NEBL: variants seen among roughly 807,000 people sequenced by gnomAD.
NEBL encodes the protein LIM and SH3 protein 2.
Under a neutral mutation model 140.2 loss-of-function variants are expected in NEBL, and 122 were observed. The observed-to-expected ratio is 0.87, with a 90% CI of 0.75 to 1.01. The LOEUF (loss-of-function observed/expected upper bound fraction) is 1.01. Among genes scored for constraint, NEBL ranks in the 50% least tolerant of loss-of-function variants. NEBL has a pLI of 0.00. For synonymous variants in NEBL, 436 were observed against 398.9 expected (o/e 1.09, Z -1.11); for missense variants, 1,365 against 1,231.3 (o/e 1.11, Z -1.62).
intron 3 of NEBL, among the ~76,000 whole-genome samples, chr10:21,182,636 G>T (rs920782119): frequency 1.3e-5 from 2 of 151,848 alleles, no homozygotes; most frequent in African/African-American, 4.8e-5. Flanking sequence ...CTAGAAAACT[G>T]CAAGTTCTGA....
intron 4 of NEBL, among the ~76,000 whole-genome samples, chr10:20,913,603 T>G (rs1283481746): frequency 2.0e-5 from 3 of 152,214 alleles, no homozygotes; most frequent in Non-Finnish European, 4.4e-5. Context: ...AAACCAAGTG[T>G]ACGAAATATC....
At chr10:21,265,790 C>T (rs1588579458) in intron 1 of NEBL, among the ~76,000 whole-genome samples, 1 of 152,360 alleles carries the variant, frequency 6.6e-6, no homozygotes, top group Middle Eastern at 3.4e-3. Context: ...AACTCTACCA[C>T]TGGAATGTGA....
intron 4 of NEBL, among the ~76,000 whole-genome samples, chr10:20,907,352 T>C (rs1010744601): frequency 1.3e-5 from 2 of 152,146 alleles, no homozygotes; most frequent in Non-Finnish European, 2.9e-5. Flanking sequence ...CAAAGGTGTA[T>C]TTTCAAAATG....
Position 20,783,926 on chromosome 10 carries a change from T to C in NEBL, c.*1821A>G, listed in dbSNP as rs899427630. On this transcript the variant is annotated 3_prime_UTR_variant, in exon 28 of 28. Coordinates refer to ENST00000377122, the MANE Select transcript of NEBL (RefSeq NM_006393.3). ...ATTTGCCTGCATTTATTTTTTCAAC[T>C]TTATGTCAGTGACATATAGATGCAG... The C allele has an allele frequency of 6.6e-6, 1 of 152,522 alleles. No homozygotes were observed. The highest frequency in any genetic ancestry group is 2.4e-5 in the African/African-American group (1 of 41,460). The allele number at this position is 152,522 out of a possible 1,614,324, so 9.4% of individuals were successfully genotyped here.
chr10:21,283,422 A>G (rs1040939325), intron 1 of NEBL, among the ~76,000 whole-genome samples: 8 of 152,190 alleles, frequency 5.3e-5, no homozygotes, highest in African/African-American at 1.9e-4. Flanking sequence ...CCATTCTTTT[A>G]TTCCTTTACT....
chr10:21,039,962 C>T (rs967221020), intron 2 of NEBL, among the ~76,000 whole-genome samples: 69 of 152,168 alleles, frequency 4.5e-4, no homozygotes, highest in Non-Finnish European at 7.8e-4. Context: ...ATCCTTTTGA[C>T]TGGCAGAGGT....
chr10:21,152,845 G>A (rs900551564), intron 2 of NEBL, among the ~76,000 whole-genome samples: 3 of 152,026 alleles, frequency 2.0e-5, no homozygotes, highest in African/African-American at 7.2e-5. Flanking sequence ...CTAAAATAAA[G>A]AGTGACCTTG....
chr10:20,943,304 C>T (rs187601509), intron 4 of NEBL, among the ~76,000 whole-genome samples: 1 of 152,270 alleles, frequency 6.6e-6, no homozygotes, highest in African/African-American at 2.4e-5. Context: ...ATGGATGAAG[C>T]TGGAAACCCA....
intron 3 of NEBL, among the ~76,000 whole-genome samples, chr10:21,240,654 T>TATAAAAGCAATATTTA: frequency 6.6e-6 from 1 of 152,304 alleles, no homozygotes; most frequent in African/African-American, 2.4e-5. Flanking sequence ...ATGTGTGAAA[T>TATAAAAGCAATATTTA]ATAAAAGCAA....
intron 3 of NEBL, among the ~76,000 whole-genome samples, chr10:20,989,474 C>A (rs977055837): frequency 7.9e-5 from 12 of 152,042 alleles, no homozygotes; most frequent in African/African-American, 2.4e-4. Context: ...GTAACTCCAA[C>A]CAAAATTCCA....
intron 1 of NEBL, among the ~76,000 whole-genome samples, chr10:21,263,731 G>A (rs555796030): frequency 2.6e-5 from 4 of 152,276 alleles, no homozygotes; most frequent in African/African-American, 4.8e-5. Context: ...TTGAGAGGCC[G>A]AGGCAGGCGG....
At chr10:20,805,385 C>A (rs918755900) in intron 26 of NEBL, among the ~76,000 whole-genome samples, 1 of 152,146 alleles carries the variant, frequency 6.6e-6, no homozygotes. Flanking sequence ...TCATATGGCT[C>A]TTTTGTGGGC....
chr10:20,981,484 A>T (rs1247776084), intron 3 of NEBL, among the ~76,000 whole-genome samples: 1 of 152,184 alleles, frequency 6.6e-6, no homozygotes, highest in Non-Finnish European at 1.5e-5. Context: ...TGTGGTCAGC[A>T]TTTGTCATTC....
At chr10:20,822,470 C>T (rs1839425156) in intron 19 of NEBL, among the ~76,000 whole-genome samples, 1 of 151,088 alleles carries the variant, frequency 6.6e-6, no homozygotes, top group African/African-American at 2.4e-5. Flanking sequence ...AGAAAATGTT[C>T]TTTTTTGTGA....
chr10:21,164,639 G>A (rs970246119), intron 2 of NEBL, among the ~76,000 whole-genome samples: 3 of 152,104 alleles, frequency 2.0e-5, no homozygotes, highest in Admixed American at 6.6e-5. Flanking sequence ...CAGAAACATT[G>A]CAAATGGGAC....
chr10:21,181,363 A>C, intron 3 of NEBL, among the ~76,000 whole-genome samples: 1 of 152,142 alleles, frequency 6.6e-6, no homozygotes, highest in South Asian at 2.1e-4. Flanking sequence ...AGAGATGAAA[A>C]AAAAAAACCA....
chr10:21,209,294 C>G (rs1841879081), intron 3 of NEBL, among the ~76,000 whole-genome samples: 1 of 152,140 alleles, frequency 6.6e-6, no homozygotes, highest in Non-Finnish European at 1.5e-5. Flanking sequence ...GGAAGGGTTG[C>G]CAGATAAAAC....
At chr10:21,137,721 C>T (rs1019583128) in intron 2 of NEBL, among the ~76,000 whole-genome samples, 1 of 151,858 alleles carries the variant, frequency 6.6e-6, no homozygotes, top group Non-Finnish European at 1.5e-5. Flanking sequence ...TTGCTTCAGG[C>T]CAGCAGTTTG....
intron 2 of NEBL, among the ~76,000 whole-genome samples, chr10:21,047,888 T>C (rs1834591090): frequency 6.6e-6 from 1 of 152,216 alleles, no homozygotes; most frequent in Non-Finnish European, 1.5e-5. Context: ...GATATATAAA[T>C]TTCAAGTATT....
Sources: gnomAD v4.1 joint callset for allele counts (sites outside exome capture counted in the v4.1 genomes callset) on GRCh38, gnomAD v4.1.1 for gene constraint, MANE v1.5 for transcripts, NCBI Gene and HGNC (gene_info 2026-07-23, HGNC 2026-07-21) for gene names.